Variants in RBPMS2 observed in about 807,000 individuals in gnomAD.
RBPMS2 encodes the protein RNA binding protein, mRNA processing factor 2.
A neutral mutation model predicts 25.7 loss-of-function variants in RBPMS2; 14 were observed. That is an observed-to-expected ratio of 0.55 (90% confidence interval 0.36 to 0.85). The LOEUF is 0.85. Among genes scored for constraint, RBPMS2 ranks in the 40% least tolerant of loss-of-function variants. RBPMS2 has a pLI of 0.01. For synonymous variants in RBPMS2, 127 were observed against 115.6 expected (o/e 1.10, Z -0.63); for missense variants, 252 against 283.4 (o/e 0.89, Z 0.80).
intron 5 of RBPMS2, 115 bp downstream of exon 5, chr15:64,748,885 T>A (rs929548035): frequency 5.1e-5 from 61 of 1,205,256 alleles, no homozygotes; most frequent in Non-Finnish European, 6.4e-5. Context: ...GTTTCAAAAA[T>A]GGGTGGCCGT....
chr15:64,741,373 A>G (rs533422497), intron 6 of RBPMS2, 131 bp from the exon 7 acceptor site: 7 of 694,590 alleles, frequency 1.0e-5, no homozygotes, highest in African/African-American at 7.1e-5. Context: ...ATTTTGGGCC[A>G]GTTACTCACC....
At chr15:64,774,863 G>C (rs1394720803) in intron 1 of RBPMS2, among the ~76,000 whole-genome samples, 1 of 151,542 alleles carries the variant, frequency 6.6e-6, no homozygotes. Context: ...TCCTGGCCAC[G>C]CAGGAGGTGC....
At chr15:64,757,030 T>C (rs1226909806) in intron 1 of RBPMS2, among the ~76,000 whole-genome samples, 1 of 142,360 alleles carries the variant, frequency 7.0e-6, no homozygotes. Flanking sequence ...TAGAGTGCAG[T>C]GGCGCTATCA....
At chr15:64,769,312 T>C (rs918402341) in intron 1 of RBPMS2, among the ~76,000 whole-genome samples, 1 of 149,556 alleles carries the variant, frequency 6.7e-6, no homozygotes, top group Non-Finnish European at 1.5e-5. Context: ...ATAATCCCCC[T>C]ACTTGGGAGG....
At chr15:64,744,798 G>GTTTTTTTTTTTTTTTTTTT (rs748967917) in intron 6 of RBPMS2, among the ~76,000 whole-genome samples, 4 of 46,300 alleles carry the variant, frequency 8.6e-5, no homozygotes, top group African/African-American at 2.2e-4. Flanking sequence ...GGTTTGTTTT[G>GTTTTTTTTTTTTTTTTTTT]TTTTTTTTTT....
At chr15:64,774,196 A>C (rs2083911495) in intron 1 of RBPMS2, among the ~76,000 whole-genome samples, 1 of 152,180 alleles carries the variant, frequency 6.6e-6, no homozygotes, top group African/African-American at 2.4e-5. Flanking sequence ...CCCCAGGCCA[A>C]GGGGAAGGGC....
chr15:64,744,798 G>GTTGTTTTTTTTTTTTTTTTT (rs2083601378), intron 6 of RBPMS2, among the ~76,000 whole-genome samples: 5 of 46,300 alleles, frequency 1.1e-4, no homozygotes, highest in African/African-American at 3.7e-4. Context: ...GGTTTGTTTT[G>GTTGTTTTTTTTTTTTTTTTT]TTTTTTTTTT....
rs1316776750 is a variant in RBPMS2, at chr15:64,740,564, G to C, written c.*444C>G. 1 of 152,898 alleles carries C rather than the reference G, an allele frequency of 6.5e-6. No individual in the cohort carries two copies. The highest frequency in any genetic ancestry group is 1.5e-5 in the Non-Finnish European group (1 of 68,276). The allele number at this position is 152,898 out of a possible 1,614,324, so 9.5% of individuals were successfully genotyped here. A position where few individuals can be genotyped will look rare whatever the true frequency, so the allele number is the denominator to read the frequency against. ...GAGGGGCAGGCAGGATGAACCACTG[G>C]GAGCCAGGACCTGTCGCTATGGTGA... On this transcript the variant is annotated 3_prime_UTR_variant, in exon 8 of 8. Coordinates refer to ENST00000300069, the MANE Select transcript of RBPMS2 (RefSeq NM_194272.3).
chr15:64,747,630 G>T (rs1268433599), intron 6 of RBPMS2, among the ~76,000 whole-genome samples: 1 of 152,172 alleles, frequency 6.6e-6, no homozygotes, highest in East Asian at 1.9e-4. Context: ...CACACGCACA[G>T]TGGGATGAGA....
chr15:64,768,566 A>G (rs1251497271), intron 1 of RBPMS2, among the ~76,000 whole-genome samples: 1 of 152,020 alleles, frequency 6.6e-6, no homozygotes, highest in East Asian at 1.9e-4. Flanking sequence ...TGAACCCAAG[A>G]GGCAGAGATT....
At chr15:64,743,651 G>A (rs1315218988) in intron 6 of RBPMS2, among the ~76,000 whole-genome samples, 1 of 152,142 alleles carries the variant, frequency 6.6e-6, no homozygotes, top group African/African-American at 2.4e-5. Flanking sequence ...GGGGGGGGGG[G>A]GCTCCTGAGA....
At chr15:64,766,042 C>T (rs2083843405) in intron 1 of RBPMS2, among the ~76,000 whole-genome samples, 1 of 151,976 alleles carries the variant, frequency 6.6e-6, no homozygotes, top group African/African-American at 2.4e-5. Flanking sequence ...TCCTAACTCC[C>T]TGCCCCTACC....
rs550670736 is a variant in RBPMS2, at chr15:64,750,784, A to G, written c.166-403T>C. 6.6e-5 allele frequency among the ~76,000 whole-genome samples: 10 copies of G among 152,358 alleles called. 1 individual carries two copies. Among genetic ancestry groups the G allele is most frequent in the African/African-American group, 2.4e-4 (10 of 41,592 alleles). On this transcript the variant is annotated intron_variant, in intron 2 of 7. Coordinates refer to ENST00000300069, the MANE Select transcript of RBPMS2 (RefSeq NM_194272.3). ...GCTGGGCATCATGGCTCACGTCTGTAATCCCAGCACTTTGGGAGGCCGAGG... is the reference window on the plus strand; with the variant it reads ...GCTGGGCATCATGGCTCACGTCTGTGATCCCAGCACTTTGGGAGGCCGAGG...
Position 64,740,353 on chromosome 15 carries a change from CAG to C in RBPMS2, c.*653_*654del, listed in dbSNP as rs1460800483. The C allele has an allele frequency of 4.6e-5, 7 of 152,102 alleles. No homozygotes were observed. Among genetic ancestry groups the C allele is most frequent in the African/African-American group, 1.7e-4 (7 of 41,374 alleles). 9.4% of individuals were successfully genotyped at this position (152,102 alleles called of 1,614,324 possible). A position where few individuals can be genotyped will look rare whatever the true frequency, so the allele number is the denominator to read the frequency against. On this transcript the variant is annotated 3_prime_UTR_variant, in exon 8 of 8. Coordinates refer to ENST00000300069, the MANE Select transcript of RBPMS2 (RefSeq NM_194272.3). ...GCTGTGGAGAGGTGAACAGAACGGGCAGAGAGGGCTTTCTTACGACTGTTGGC... is the reference window on the plus strand; with the variant it reads ...GCTGTGGAGAGGTGAACAGAACGGGCAGAGGGCTTTCTTACGACTGTTGGC...
intron 1 of RBPMS2, 50 bp from the exon 2 acceptor site, chr15:64,751,688 G>A (rs369116482): frequency 2.0e-5 from 30 of 1,481,774 alleles, no homozygotes; most frequent in Non-Finnish European, 8.5e-6. Context: ...GACGGACAGG[G>A]ATGACAACAG....
intron 1 of RBPMS2, among the ~76,000 whole-genome samples, chr15:64,760,165 G>A (rs766598687): frequency 4.6e-5 from 7 of 152,218 alleles, no homozygotes; most frequent in African/African-American, 9.6e-5. Context: ...GAATGGGCTC[G>A]TGGGGGAGAA....
chr15:64,767,308 C>G (rs548892616), intron 1 of RBPMS2, among the ~76,000 whole-genome samples: 1 of 152,260 alleles, frequency 6.6e-6, no homozygotes, highest in African/African-American at 2.4e-5. Flanking sequence ...TTCTGCCCCA[C>G]TGCCTCATGG....
intron 1 of RBPMS2, among the ~76,000 whole-genome samples, chr15:64,752,472 CT>C (rs2083691686): frequency 2.6e-5 from 4 of 152,182 alleles, no homozygotes; most frequent in Admixed American, 2.6e-4. Context: ...CCTTATACTC[CT>C]GCCTCTCTGC....
intron 1 of RBPMS2, among the ~76,000 whole-genome samples, chr15:64,758,501 T>A (rs1308107110): frequency 6.6e-6 from 1 of 152,166 alleles, no homozygotes; most frequent in Non-Finnish European, 1.5e-5. Flanking sequence ...CAAGCACCAA[T>A]ATAGGCAAGG....
Sources: gnomAD v4.1 joint callset for allele counts (sites outside exome capture counted in the v4.1 genomes callset) on GRCh38, gnomAD v4.1.1 for gene constraint, MANE v1.5 for transcripts, NCBI Gene and HGNC (gene_info 2026-07-23, HGNC 2026-07-21) for gene names.